The following MNAT1 variants were observed in gnomAD, a reference collection of about 807,000 sequenced individuals.
The protein encoded by MNAT1 is CDK-activating kinase assembly factor MAT1.
Under a neutral mutation model 42.0 loss-of-function variants are expected in MNAT1, and 43 were observed. The observed-to-expected ratio is 1.02, with a 90% CI of 0.80 to 1.32. MNAT1 has a LOEUF of 1.32. Among genes scored for constraint, MNAT1 ranks in the 40% most tolerant of loss-of-function variants. The pLI is 0.00. For synonymous variants in MNAT1, 118 were observed against 120.0 expected (o/e 0.98, Z 0.11); for missense variants, 306 against 350.4 (o/e 0.87, Z 1.01).
chr14:60,865,883 A>C (rs1398625739), intron 6 of MNAT1, among the ~76,000 whole-genome samples: 1 of 151,938 alleles, frequency 6.6e-6, no homozygotes, highest in Non-Finnish European at 1.5e-5. Context: ...TCACCACTGT[A>C]CTGAAGCTCC....
At chr14:60,789,369 GT>G (rs1249500180) in intron 1 of MNAT1, among the ~76,000 whole-genome samples, 1 of 152,150 alleles carries the variant, frequency 6.6e-6, no homozygotes, top group Non-Finnish European at 1.5e-5. Flanking sequence ...TAATGAAAAT[GT>G]TTGAAATATT....
In MNAT1 at chr14:60,953,902, C is replaced by G. The variant is rs186887930; in HGVS notation, c.810-14327C>G. 4.9e-4 allele frequency among the ~76,000 whole-genome samples: 74 copies of G among 152,138 alleles called. 2 individuals carry two copies. In the East Asian group the frequency reaches 0.013, roughly 27 times the overall value. ...GTGATGTTAAAGTTTTTTCACATAC[C>G]TTTTGGCCATTTGTATGTCTTCCTT... On this transcript the variant is annotated intron_variant, in intron 7 of 7. Coordinates refer to ENST00000261245, the MANE Select transcript of MNAT1 (RefSeq NM_002431.4).
intron 5 of MNAT1, among the ~76,000 whole-genome samples, chr14:60,815,781 T>C (rs1026786175): frequency 2.0e-5 from 3 of 152,238 alleles, no homozygotes; most frequent in African/African-American, 7.2e-5. Flanking sequence ...TAATTTACTG[T>C]ATTCATTAGT....
chr14:60,761,045 G>A (rs1318153166), intron 1 of MNAT1, among the ~76,000 whole-genome samples: 1 of 152,110 alleles, frequency 6.6e-6, no homozygotes, highest in African/African-American at 2.4e-5. Context: ...CTTGCTAGAC[G>A]CTTATGAATA....
At chr14:60,748,487 T>C (rs557354523) in intron 1 of MNAT1, among the ~76,000 whole-genome samples, 1 of 152,216 alleles carries the variant, frequency 6.6e-6, no homozygotes, top group Non-Finnish European at 1.5e-5. Flanking sequence ...CGCCTTGGCC[T>C]CCCAAAGTGC....
At chr14:60,911,291 ATTTT>A (rs1264123688) in intron 7 of MNAT1, among the ~76,000 whole-genome samples, 1 of 152,058 alleles carries the variant, frequency 6.6e-6, no homozygotes, top group Non-Finnish European at 1.5e-5. Flanking sequence ...GGATTCATTG[ATTTT>A]TTTAAGGGTT....
chr14:60,888,738 A>G (rs1300687932), intron 7 of MNAT1, among the ~76,000 whole-genome samples: 4 of 135,556 alleles, frequency 3.0e-5, no homozygotes, highest in Non-Finnish European at 6.4e-5. Flanking sequence ...CTGATAAGCA[A>G]CTTCAGCAAA....
chr14:60,894,855 C>T (rs1482716631), intron 7 of MNAT1, among the ~76,000 whole-genome samples: 1 of 152,134 alleles, frequency 6.6e-6, no homozygotes, highest in East Asian at 1.9e-4. Flanking sequence ...GTTACGATTA[C>T]AAATAAACAT....
Position 60,818,715 on chromosome 14 carries a change from C to G in MNAT1, c.562-7C>G. On this transcript the variant is annotated splice_polypyrimidine_tract_variant and splice_region_variant and intron_variant, in intron 5 of 7. Coordinates refer to ENST00000261245, the MANE Select transcript of MNAT1 (RefSeq NM_002431.4). The stretch of plus-strand genomic sequence containing the variant: ...CATTTCTTATTGAACTTGAACTATT[C>G]TTACAGGAGAGTTCTGATCTCCCTG... 6.3e-7 allele frequency: 1 copy of G among 1,582,044 alleles called. No homozygotes were observed. The highest frequency in any genetic ancestry group is 8.6e-7 in the Non-Finnish European group (1 of 1,163,926).
At chr14:60,812,809 G>GTCCCCTCTCCAGC (rs1465800190) in intron 5 of MNAT1, among the ~76,000 whole-genome samples, 1 of 152,158 alleles carries the variant, frequency 6.6e-6, no homozygotes, top group African/African-American at 2.4e-5. Context: ...TGCTCTTCCT[G>GTCCCCTCTCCAGC]TCCCCTCTCC....
chr14:60,909,817 G>A (rs2035306070), intron 7 of MNAT1, among the ~76,000 whole-genome samples: 1 of 151,878 alleles, frequency 6.6e-6, no homozygotes, highest in South Asian at 2.1e-4. Context: ...GCTCTTTTTT[G>A]GTTCCATATG....
At chr14:60,762,531 T>C (rs1438229383) in intron 1 of MNAT1, among the ~76,000 whole-genome samples, 1 of 151,714 alleles carries the variant, frequency 6.6e-6, no homozygotes, top group Non-Finnish European at 1.5e-5. Context: ...CTCTACTAAA[T>C]GTCATCTCTA....
chr14:60,860,565 G>T (rs984231928), intron 6 of MNAT1, among the ~76,000 whole-genome samples: 1 of 151,926 alleles, frequency 6.6e-6, no homozygotes, highest in African/African-American at 2.4e-5. Flanking sequence ...TTGTTAGCCA[G>T]GATGGTCTCC....
intron 3 of MNAT1, among the ~76,000 whole-genome samples, chr14:60,804,797 A>T (rs2032317933): frequency 6.6e-6 from 1 of 152,192 alleles, no homozygotes; most frequent in African/African-American, 2.4e-5. Context: ...GAACTCATAA[A>T]GTTTTTGATA....
At chr14:60,786,163 A>G (rs952611202) in intron 1 of MNAT1, among the ~76,000 whole-genome samples, 2 of 152,112 alleles carry the variant, frequency 1.3e-5, no homozygotes, top group African/African-American at 2.4e-5. Context: ...GTGAAATTCA[A>G]GTTTCTTTAT....
In MNAT1 at chr14:60,879,819, A is replaced by G; in HGVS notation, c.793A>G (p.Met265Val). 2 of 1,612,902 alleles carry G rather than the reference A, an allele frequency of 1.2e-6. No individual in the cohort carries two copies. Among genetic ancestry groups the G allele is most frequent in the Non-Finnish European group, 1.7e-6 (2 of 1,179,318 alleles). The change falls in exon 7 of 8, where the codon ATG (methionine) becomes GTG (valine). Residue 265 changes from methionine (M) to valine (V), a missense_variant. By Grantham distance (21) the Met-to-Val change is conservative. Coordinates refer to ENST00000261245, the MANE Select transcript of MNAT1 (RefSeq NM_002431.4). ...TGGACCACATGTTCCTGAGCTTGAG[A>G]TGCTAGGAAGACTTGGGTATGTGTC... ...TYGPHVPELEMLGRLGYLNHV... is the reference protein window; with the variant it reads ...TYGPHVPELEVLGRLGYLNHV...
chr14:60,938,034 T>G (rs1182601980), intron 7 of MNAT1, among the ~76,000 whole-genome samples: 1 of 152,178 alleles, frequency 6.6e-6, no homozygotes, highest in African/African-American at 2.4e-5. Flanking sequence ...GTTTGTCTGT[T>G]ATTGGTGTAG....
At position 60,821,933 on chromosome 14, in the gene MNAT1, A is replaced by G. The variant is rs1023164730; in HGVS notation, c.687+3086A>G. Among the ~76,000 whole-genome samples, 8 of 152,212 alleles carry G rather than the reference A, an allele frequency of 5.3e-5. 1 individual carries two copies. Among genetic ancestry groups the G allele is most frequent in the African/African-American group, 1.9e-4 (8 of 41,450 alleles). The stretch of plus-strand genomic sequence containing the variant: ...GAGATTCACATTTGGGTCAAGAAGA[A>G]TTTGATGCAATGTACAGCCAAAATA... On this transcript the variant is annotated intron_variant, in intron 6 of 7. Transcript: ENST00000261245.
intron 7 of MNAT1, among the ~76,000 whole-genome samples, chr14:60,964,243 A>C (rs1259358958): frequency 6.6e-6 from 1 of 152,188 alleles, no homozygotes; most frequent in Non-Finnish European, 1.5e-5. Flanking sequence ...GTGGTTTTCT[A>C]ATGCTTAATC....
Sources: gnomAD v4.1 joint callset for allele counts (sites outside exome capture counted in the v4.1 genomes callset) on GRCh38, gnomAD v4.1.1 for gene constraint, MANE v1.5 for transcripts, NCBI Gene and HGNC (gene_info 2026-07-23, HGNC 2026-07-21) for gene names.